The following HDAC4 variants were observed in gnomAD, a reference collection of about 807,000 sequenced individuals.
HDAC4 encodes histone deacetylase 4.
In HDAC4, 16 loss-of-function variants were observed where a neutral mutation model predicts 135.1. That is an observed-to-expected ratio of 0.12 (90% CI 0.08 to 0.18). HDAC4 has a LOEUF of 0.18. Ranked by LOEUF, HDAC4 falls within the 10% of genes least tolerant of loss-of-function variation. The pLI is 1.00. For synonymous variants in HDAC4, 685 were observed against 653.4 expected (o/e 1.05, Z -0.74); for missense variants, 1,143 against 1,511.8 (o/e 0.76, Z 4.05).
intron 2 of HDAC4, among the ~76,000 whole-genome samples, chr2:239,276,981 C>T (rs576415300): frequency 1.3e-5 from 2 of 152,144 alleles, no homozygotes; most frequent in Non-Finnish European, 2.9e-5. Flanking sequence ...AGCTGTGGAG[C>T]CTCCCCTGCT....
intron 3 of HDAC4, among the ~76,000 whole-genome samples, chr2:239,226,651 A>G (rs1204261052): frequency 2.0e-5 from 3 of 150,534 alleles, no homozygotes; most frequent in Admixed American, 2.0e-4. Flanking sequence ...CAACAACAAC[A>G]ATGTAACATG....
Position 239,285,084 on chromosome 2 carries a change from C to T in HDAC4, c.23-48420G>A, listed in dbSNP as rs1349841038. ...ATCAAATAAAATACATCCCACCCCACACCTAGACAATCTACAGTCTACCTT... is the reference window on the plus strand; with the variant it reads ...ATCAAATAAAATACATCCCACCCCATACCTAGACAATCTACAGTCTACCTT... On this transcript the variant is annotated intron_variant, in intron 2 of 26. Coordinates refer to ENST00000543185, the MANE Select transcript of HDAC4 (RefSeq NM_001378414.1). This position sits in a 1 kb window ranked among gnomAD's most constrained non-coding sequence, Gnocchi z 4.5. Among the ~76,000 whole-genome samples, 2 of 152,218 alleles carry T rather than the reference C, an allele frequency of 1.3e-5. No individual in the cohort carries two copies. The highest frequency in any genetic ancestry group is 2.9e-5 in the Non-Finnish European group (2 of 68,032).
intron 6 of HDAC4, among the ~76,000 whole-genome samples, chr2:239,160,603 G>A (rs2042729587): frequency 6.6e-6 from 1 of 152,256 alleles, no homozygotes; most frequent in Non-Finnish European, 1.5e-5. Flanking sequence ...TAGGCACCGT[G>A]CCTCTGGGGC....
intron 2 of HDAC4, among the ~76,000 whole-genome samples, chr2:239,283,377 G>A (rs1249027686): frequency 6.6e-6 from 1 of 152,230 alleles, no homozygotes; most frequent in East Asian, 1.9e-4. Flanking sequence ...AGGAGCTGCG[G>A]GGCTCCTCAA....
At chr2:239,122,483 C>T (rs1052502117) in intron 12 of HDAC4, among the ~76,000 whole-genome samples, 1 of 152,234 alleles carries the variant, frequency 6.6e-6, no homozygotes, top group Non-Finnish European at 1.5e-5. Flanking sequence ...TGATGGTGTG[C>T]GTTCTCCAGA....
chr2:239,229,473 A>G (rs1427989137), intron 3 of HDAC4, among the ~76,000 whole-genome samples: 2 of 152,238 alleles, frequency 1.3e-5, no homozygotes, highest in African/African-American at 4.8e-5. Flanking sequence ...ATGTTGACGA[A>G]AAAGGCCAAA....
chr2:239,056,622 G>T lies in HDAC4; in HGVS notation c.3004-1789C>A, dbSNP rs778272354. On this transcript the variant is annotated intron_variant, in intron 24 of 26. Coordinates refer to ENST00000543185, the MANE Select transcript of HDAC4 (RefSeq NM_001378414.1). ...CACAGGGGAGCAGAGACAACTCCTT[G>T]AGCATTTCAAATAATGCACGTATCT... Among the ~76,000 whole-genome samples, 3 of 152,232 alleles carry T rather than the reference G, an allele frequency of 2.0e-5. 1 individual carries two copies. The highest frequency in any genetic ancestry group is 1.3e-4 in the Admixed American group (2 of 15,288).
At chr2:239,164,471 C>A (rs1052528823) in intron 5 of HDAC4, among the ~76,000 whole-genome samples, 1 of 152,224 alleles carries the variant, frequency 6.6e-6, no homozygotes, top group South Asian at 2.1e-4. Context: ...AGTGACTGCA[C>A]CAAGTGGGAC....
chr2:239,284,733 G>A (rs898505324), intron 2 of HDAC4, among the ~76,000 whole-genome samples: 1 of 152,122 alleles, frequency 6.6e-6, no homozygotes, highest in Non-Finnish European at 1.5e-5. Flanking sequence ...CCACGCCCCA[G>A]AGCCAGAGGC....
At chr2:239,244,505 C>G (rs1173700033) in intron 2 of HDAC4, among the ~76,000 whole-genome samples, 2 of 152,184 alleles carry the variant, frequency 1.3e-5, no homozygotes, top group Non-Finnish European at 2.9e-5. Flanking sequence ...TTGGGGCCAT[C>G]ATGCCATCCC....
chr2:239,187,221 G>T (rs567927070), intron 4 of HDAC4: 2 of 152,610 alleles, frequency 1.3e-5, no homozygotes, highest in African/African-American at 4.8e-5. Flanking sequence ...AGGCAGGCGG[G>T]ACCAATGGCC....
chr2:239,377,676 G>A (rs1695113791), intron 1 of HDAC4, among the ~76,000 whole-genome samples: 1 of 152,210 alleles, frequency 6.6e-6, no homozygotes, highest in South Asian at 2.1e-4. Flanking sequence ...TTCTCACAAG[G>A]GGCAGGGCTG....
At chr2:239,163,141 C>G (rs534753265) in intron 6 of HDAC4, among the ~76,000 whole-genome samples, 1 of 152,210 alleles carries the variant, frequency 6.6e-6, no homozygotes, top group South Asian at 2.1e-4. Flanking sequence ...AGTCCTCAGA[C>G]GAACAAGCCT....
intron 22 of HDAC4, among the ~76,000 whole-genome samples, chr2:239,078,622 C>G (rs1430713746): frequency 6.6e-6 from 1 of 152,194 alleles, no homozygotes; most frequent in Admixed American, 6.5e-5. Flanking sequence ...CACGGACACA[C>G]TTGGCAGGAG....
rs1051055275 is a variant in HDAC4, at chr2:239,303,379, A to C, written c.22+49299T>G. ...CATCAAGACCCGCCGTCTGGTGTGA[A>C]GGGAAACGTCCCTCACCCTTCTGCA... On this transcript the variant is annotated intron_variant, in intron 2 of 26. Coordinates refer to ENST00000543185, the MANE Select transcript of HDAC4 (RefSeq NM_001378414.1). This position sits in a 1 kb window ranked among gnomAD's most constrained non-coding sequence, Gnocchi z 5.1. Among the ~76,000 whole-genome samples, 22 of 152,188 alleles carry C rather than the reference A, an allele frequency of 1.4e-4. No individual in the cohort carries two copies. Among genetic ancestry groups the C allele is most frequent in the Admixed American group, 1.3e-4 (2 of 15,284 alleles).
chr2:239,228,519 C>A (rs2047371668), intron 3 of HDAC4, among the ~76,000 whole-genome samples: 1 of 152,108 alleles, frequency 6.6e-6, no homozygotes, highest in African/African-American at 2.4e-5. Context: ...TGTTACTGCT[C>A]ATGGGAGTTC....
intron 8 of HDAC4, among the ~76,000 whole-genome samples, chr2:239,143,745 G>A (rs919469290): frequency 6.6e-6 from 1 of 152,230 alleles, no homozygotes; most frequent in Non-Finnish European, 1.5e-5. Context: ...ATGGCACCAG[G>A]AGCCCCTCCC....
Position 239,190,013 on chromosome 2 carries a change from C to T in HDAC4, c.159G>A (p.Leu53=). 6.2e-7 allele frequency: 1 copy of T among 1,605,632 alleles called. No homozygotes were observed. The highest frequency in any genetic ancestry group is 8.5e-7 in the Non-Finnish European group (1 of 1,179,880). ...APSAVPMDLR[L]DHQFSLPVAE... ...CCACAGGCAGTGAGAACTGGTGGTCCAGGCGCAGGTCCATGGGCACTGCCG... is the reference window on the plus strand; with the variant it reads ...CCACAGGCAGTGAGAACTGGTGGTCTAGGCGCAGGTCCATGGGCACTGCCG... Residue 53 remains leucine (L), a synonymous_variant, in exon 4 of 27, where the codon CTG becomes CTA. Transcript: ENST00000543185.
intron 7 of HDAC4, chr2:239,155,659 C>T (rs1366454811): frequency 1.3e-5 from 2 of 152,362 alleles, no homozygotes; most frequent in Non-Finnish European, 2.9e-5. Flanking sequence ...TGAAGAAGCC[C>T]TTGTGTGACT....
Sources: allele counts gnomAD v4.1 joint callset (sites outside exome capture counted in the v4.1 genomes callset), GRCh38; gene constraint gnomAD v4.1.1; non-coding constraint Gnocchi (gnomAD v3.1); transcripts MANE v1.5; gene names NCBI Gene and HGNC (gene_info 2026-07-23, HGNC 2026-07-21).